Variants in RAD51B observed in about 807,000 individuals in gnomAD.
RAD51B encodes RAD51 paralog B.
RAD51B carries 38 observed loss-of-function variants against 42.2 expected under a neutral mutation model. That is an observed-to-expected ratio of 0.90 (90% confidence interval 0.70 to 1.18). The LOEUF is 1.18. Ranked by LOEUF, RAD51B falls within the 50% of genes most tolerant of loss-of-function variation. The pLI is 0.00. For synonymous variants in RAD51B, 154 were observed against 145.2 expected (o/e 1.06, Z -0.43); for missense variants, 373 against 400.7 (o/e 0.93, Z 0.59).
chr14:68,012,207 C>A lies in RAD51B; in HGVS notation c.756+125003C>A, dbSNP rs185021013. On this transcript the variant is annotated intron_variant, in intron 7 of 10. Transcript: ENST00000471583. ...TTTAGTGGATAATAATAAGCTAGAGCAAGAAAGTGTGTTTTCTTAATTTCA... is the reference window on the plus strand; with the variant it reads ...TTTAGTGGATAATAATAAGCTAGAGAAAGAAAGTGTGTTTTCTTAATTTCA... Among the ~76,000 whole-genome samples the A allele has an allele frequency of 9.2e-5, 14 of 152,096 alleles. No homozygotes were observed. In the East Asian group the frequency reaches 2.7e-3, roughly 29 times the overall value.
intron 7 of RAD51B, among the ~76,000 whole-genome samples, chr14:68,178,235 T>C (rs1262738296): frequency 6.6e-6 from 1 of 152,214 alleles, no homozygotes; most frequent in African/African-American, 2.4e-5. Flanking sequence ...GAATGCTATA[T>C]AAAATTATTG....
At chr14:68,505,698 G>A (rs1827473919) in intron 10 of RAD51B, among the ~76,000 whole-genome samples, 1 of 151,962 alleles carries the variant, frequency 6.6e-6, no homozygotes, top group Admixed American at 6.6e-5. Context: ...TTACAGGCAT[G>A]CACCACCATG....
chr14:68,448,243 C>T (rs888037796), intron 9 of RAD51B, among the ~76,000 whole-genome samples: 1 of 152,216 alleles, frequency 6.6e-6, no homozygotes, highest in African/African-American at 2.4e-5. Context: ...AGAGAAAACT[C>T]ACTTTAAGAT....
intron 9 of RAD51B, among the ~76,000 whole-genome samples, chr14:68,444,867 C>G (rs950048167): frequency 1.3e-5 from 2 of 152,172 alleles, no homozygotes; most frequent in Admixed American, 6.5e-5. Flanking sequence ...TAACAGATCC[C>G]TCAGTACACT....
chr14:68,349,140 CT>C (rs142140513), intron 8 of RAD51B, among the ~76,000 whole-genome samples: 131 of 151,938 alleles, frequency 8.6e-4, no homozygotes, highest in Non-Finnish European at 1.8e-3. Context: ...TTTTTTTTGT[CT>C]TTTTTTCAGC....
intron 8 of RAD51B, among the ~76,000 whole-genome samples, chr14:68,317,164 ATGACCTAC>A (rs1357341107): frequency 6.6e-6 from 1 of 152,214 alleles, no homozygotes; most frequent in Non-Finnish European, 1.5e-5. Flanking sequence ...ACCAAATGGT[ATGACCTAC>A]TTGAAAAAAA....
At chr14:67,858,530 A>G (rs1175673334) in intron 4 of RAD51B, among the ~76,000 whole-genome samples, 1 of 152,186 alleles carries the variant, frequency 6.6e-6, no homozygotes, top group Non-Finnish European at 1.5e-5. Context: ...TTGGTTTGCA[A>G]TTATGCAAAA....
chr14:68,428,776 T>A (rs2084923397), intron 9 of RAD51B, among the ~76,000 whole-genome samples: 2 of 133,438 alleles, frequency 1.5e-5, no homozygotes, highest in African/African-American at 2.9e-5. Flanking sequence ...ATTATTATAC[T>A]TTAAGTTCTA....
chr14:68,186,807 T>C (rs189766093), intron 7 of RAD51B, among the ~76,000 whole-genome samples: 66 of 152,310 alleles, frequency 4.3e-4, no homozygotes, highest in African/African-American at 1.5e-3. Flanking sequence ...AGTTTGGAGA[T>C]TTCTCAAAGA....
At chr14:68,037,756 A>T (rs564090197) in intron 7 of RAD51B, among the ~76,000 whole-genome samples, 1 of 152,224 alleles carries the variant, frequency 6.6e-6, no homozygotes, top group African/African-American at 2.4e-5. Context: ...GTTCTTCCAC[A>T]TGTTTGTTTT....
intron 7 of RAD51B, among the ~76,000 whole-genome samples, chr14:68,021,294 C>T (rs980644067): frequency 6.6e-6 from 1 of 152,280 alleles, no homozygotes. Context: ...TGCCTTCACA[C>T]GAGGATCAGA....
At chr14:68,597,164 G>A (rs1381955321), downstream of RAD51B, among the ~76,000 whole-genome samples, 2 of 152,154 alleles carry the variant, frequency 1.3e-5, no homozygotes, top group Non-Finnish European at 2.9e-5. Context: ...GGCATATTCT[G>A]GAAGAGGCAA....
rs118183172 is a variant in RAD51B, at chr14:68,570,149, C to T, written c.1037-24336C>T. 3.5e-3 allele frequency among the ~76,000 whole-genome samples: 535 copies of T among 152,248 alleles called. 3 individuals carry two copies. The highest frequency in any genetic ancestry group is 0.024 in the East Asian group (124 of 5,178). Reference sequence around the variant, plus strand: ...CAGCGAGAGAGGAGAGTGAGCCTCCCCAGTGGCTCCTGGGTCCCCATACCC... The same window carrying T: ...CAGCGAGAGAGGAGAGTGAGCCTCCTCAGTGGCTCCTGGGTCCCCATACCC... On this transcript the variant is annotated intron_variant, in intron 10 of 10. Coordinates refer to the RAD51B transcript ENST00000487270.
At chr14:68,607,739 G>A (rs893124768) in intron 10 of RAD51B, among the ~76,000 whole-genome samples, 2 of 152,188 alleles carry the variant, frequency 1.3e-5, no homozygotes, top group South Asian at 2.1e-4. Flanking sequence ...AGGAAAGGAC[G>A]GGGAGCACAC....
intron 7 of RAD51B, among the ~76,000 whole-genome samples, chr14:68,056,477 A>G (rs1273098671): frequency 6.6e-6 from 1 of 151,734 alleles, no homozygotes; most frequent in Non-Finnish European, 1.5e-5. Flanking sequence ...GGCTAGGTGC[A>G]GTGGCTCATG....
intron 7 of RAD51B, among the ~76,000 whole-genome samples, chr14:68,179,371 C>T (rs1053828095): frequency 7.2e-5 from 11 of 151,950 alleles, no homozygotes; most frequent in Non-Finnish European, 1.6e-4. Context: ...TTAAATTTAC[C>T]TTTTATTTTT....
At chr14:68,002,615 C>T (rs1393588300) in intron 7 of RAD51B, among the ~76,000 whole-genome samples, 1 of 152,136 alleles carries the variant, frequency 6.6e-6, no homozygotes, top group African/African-American at 2.4e-5. Context: ...TGCCTATCTG[C>T]TGAATGGTAT....
intron 7 of RAD51B, among the ~76,000 whole-genome samples, chr14:68,245,079 A>G (rs773748307): frequency 2.8e-4 from 43 of 152,086 alleles, no homozygotes; most frequent in Non-Finnish European, 5.3e-4. Context: ...ACCATAATCT[A>G]TGTCCTCATT....
intron 7 of RAD51B, among the ~76,000 whole-genome samples, chr14:68,285,637 C>G (rs1379373382): frequency 2.0e-5 from 3 of 152,174 alleles, no homozygotes; most frequent in Non-Finnish European, 2.9e-5. Context: ...GATTTTGAAA[C>G]TTCCTGATGT....
Sources: allele counts gnomAD v4.1 joint callset (sites outside exome capture counted in the v4.1 genomes callset), GRCh38; gene constraint gnomAD v4.1.1; transcripts MANE v1.5; gene names NCBI Gene and HGNC (gene_info 2026-07-23, HGNC 2026-07-21).